The following KLHL1 variants were observed in gnomAD, a reference collection of about 807,000 sequenced individuals.
KLHL1 encodes kelch-like protein 1.
In KLHL1, 47 loss-of-function variants were observed where a neutral mutation model predicts 77.7. The observed-to-expected ratio is 0.60, with a 90% confidence interval of 0.48 to 0.77. KLHL1 has a LOEUF of 0.77. KLHL1 is among the 30% of genes least tolerant of loss of function. The pLI is 0.00. For missense variants in KLHL1, 925 were observed against 910.8 expected (o/e 1.02, Z -0.20); for synonymous variants, 360 against 325.2 (o/e 1.11, Z -1.15).
At chr13:69,917,669 C>T (rs1455226689) in intron 4 of KLHL1, among the ~76,000 whole-genome samples, 9 of 152,112 alleles carry the variant, frequency 5.9e-5, no homozygotes, top group Admixed American at 5.9e-4. Flanking sequence ...TGTACACAGT[C>T]ATTTATAAAC....
rs554848111 is a variant in KLHL1, at chr13:69,775,895, G to A, written c.1639+20843C>T. 5.0e-4 allele frequency among the ~76,000 whole-genome samples: 76 copies of A among 152,084 alleles called. No homozygotes were observed. The Middle Eastern group carries it at 0.01, about 20-fold the overall frequency. On this transcript the variant is annotated intron_variant, in intron 7 of 10. Coordinates refer to ENST00000377844, the MANE Select transcript of KLHL1 (RefSeq NM_020866.3). ...AGGCCAGGCATGGTGGCTCATGTCT[G>A]TAATCCCAGCACTTTGAGAGGCCGA...
chr13:69,841,294 T>C (rs1879253976), intron 5 of KLHL1, among the ~76,000 whole-genome samples: 1 of 151,894 alleles, frequency 6.6e-6, no homozygotes, highest in Admixed American at 6.6e-5. Flanking sequence ...TTACTGATTA[T>C]ATAGTCTTAT....
chr13:70,060,454 C>T (rs12871523), intron 1 of KLHL1, among the ~76,000 whole-genome samples: 1 of 151,788 alleles, frequency 6.6e-6, no homozygotes, highest in African/African-American at 2.4e-5. Flanking sequence ...TTTAAAGACA[C>T]ACCTGCCCTC....
intron 2 of KLHL1, among the ~76,000 whole-genome samples, chr13:69,972,345 T>C (rs759764660): frequency 6.6e-6 from 1 of 151,974 alleles, no homozygotes; most frequent in African/African-American, 2.4e-5. Context: ...AAACTTATTG[T>C]CAAATATGTA....
intron 1 of KLHL1, among the ~76,000 whole-genome samples, chr13:70,061,979 C>T (rs1886900614): frequency 6.6e-6 from 1 of 152,074 alleles, no homozygotes; most frequent in African/African-American, 2.4e-5. Flanking sequence ...AGGCTTTTGA[C>T]AATGTACGAT....
rs1177452568 is a variant in KLHL1 at position 69,828,608 on chromosome 13, G to A, written c.1414+10368C>T. ...GAGGCTAAAGCAAGTGGGGAGGGGT[G>A]AGGCCTAAAAACCTTGCTTACTTTC... On this transcript the variant is annotated intron_variant, in intron 6 of 10. Coordinates refer to ENST00000377844, the MANE Select transcript of KLHL1 (RefSeq NM_020866.3). 1.3e-5 allele frequency among the ~76,000 whole-genome samples: 2 copies of A among 150,140 alleles called. 1 individual carries two copies. Among genetic ancestry groups the A allele is most frequent in the East Asian group, 3.9e-4 (2 of 5,160 alleles).
intron 4 of KLHL1, among the ~76,000 whole-genome samples, chr13:69,901,525 T>G (rs1279437108): frequency 6.6e-6 from 1 of 152,126 alleles, no homozygotes; most frequent in African/African-American, 2.4e-5. Context: ...AGATGACATA[T>G]TTTTGGCAAA....
chr13:69,913,197 C>T (rs1355356533), intron 4 of KLHL1, among the ~76,000 whole-genome samples: 1 of 152,102 alleles, frequency 6.6e-6, no homozygotes, highest in Non-Finnish European at 1.5e-5. Flanking sequence ...CCCTATGCTC[C>T]CCCTTCAAAC....
At chr13:69,875,848 C>A (rs996959760) in intron 5 of KLHL1, among the ~76,000 whole-genome samples, 2 of 151,374 alleles carry the variant, frequency 1.3e-5, no homozygotes, top group African/African-American at 4.9e-5. Context: ...AAAAGTAATC[C>A]TATTCTTTTT....
At chr13:69,743,835 AAAAC>A (rs1162947368) in intron 7 of KLHL1, among the ~76,000 whole-genome samples, 2 of 151,082 alleles carry the variant, frequency 1.3e-5, no homozygotes, top group African/African-American at 4.9e-5. Context: ...AAAAAAAAAA[AAAAC>A]AGAAGAAAGA....
At chr13:70,073,301 T>C (rs1029510951) in intron 1 of KLHL1, among the ~76,000 whole-genome samples, 4 of 151,898 alleles carry the variant, frequency 2.6e-5, no homozygotes, top group Non-Finnish European at 5.9e-5. Context: ...AGCAAACTAT[T>C]GCAAGGACAA....
intron 4 of KLHL1, among the ~76,000 whole-genome samples, chr13:69,919,870 A>T (rs1276198084): frequency 6.6e-6 from 1 of 152,190 alleles, no homozygotes; most frequent in African/African-American, 2.4e-5. Flanking sequence ...CCATTATTCT[A>T]ATTAGGCTGA....
chr13:69,930,525 A>C (rs1453803414), intron 4 of KLHL1, among the ~76,000 whole-genome samples: 1 of 151,832 alleles, frequency 6.6e-6, no homozygotes, highest in Non-Finnish European at 1.5e-5. Context: ...AATTAAGAAA[A>C]TACAATTTGT....
chr13:69,873,688 C>A (rs1183455604), intron 5 of KLHL1, among the ~76,000 whole-genome samples: 1 of 152,106 alleles, frequency 6.6e-6, no homozygotes, highest in African/African-American at 2.4e-5. Flanking sequence ...GTGCAGCAAA[C>A]CACCATGGCA....
chr13:69,715,958 C>A (rs912673745), intron 9 of KLHL1, among the ~76,000 whole-genome samples: 18 of 152,230 alleles, frequency 1.2e-4, no homozygotes, highest in Admixed American at 9.8e-4. Flanking sequence ...GAGGCCCTAT[C>A]TATCTCAAAA....
chr13:69,841,289 G>A (rs1459385882), intron 5 of KLHL1, among the ~76,000 whole-genome samples: 1 of 151,760 alleles, frequency 6.6e-6, no homozygotes, highest in Non-Finnish European at 1.5e-5. Context: ...CCTGTTTACT[G>A]ATTATATAGT....
intron 1 of KLHL1, among the ~76,000 whole-genome samples, chr13:69,978,296 G>A (rs1343782091): frequency 1.3e-5 from 2 of 151,482 alleles, no homozygotes; most frequent in African/African-American, 2.4e-5. Flanking sequence ...GACCAAAACT[G>A]CTCCAAAAGG....
At chr13:69,997,337 TC>T (rs1368964985) in intron 1 of KLHL1, among the ~76,000 whole-genome samples, 1 of 151,924 alleles carries the variant, frequency 6.6e-6, no homozygotes, top group Non-Finnish European at 1.5e-5. Context: ...AATATGTCTT[TC>T]ATCAAATTGT....
intron 7 of KLHL1, among the ~76,000 whole-genome samples, chr13:69,758,975 C>A (rs1290897337): frequency 6.6e-6 from 1 of 152,038 alleles, no homozygotes; most frequent in East Asian, 1.9e-4. Context: ...ATGTTCCCCC[C>A]AGGGTGTTCT....
Sources: allele counts gnomAD v4.1 joint callset (sites outside exome capture counted in the v4.1 genomes callset), GRCh38; gene constraint gnomAD v4.1.1; transcripts MANE v1.5; gene names NCBI Gene and HGNC (gene_info 2026-07-23, HGNC 2026-07-21).